The following PCTP variants were observed in gnomAD, a reference collection of about 807,000 sequenced individuals.
PCTP encodes the protein phosphatidylcholine transfer protein.
In PCTP, 27 loss-of-function variants were observed where a neutral mutation model predicts 31.0. The ratio of observed to expected loss-of-function variants is 0.87; its 90% CI spans 0.64 to 1.20. PCTP has a LOEUF of 1.20. PCTP is among the 50% of genes most tolerant of loss of function. The pLI is 0.00. For synonymous variants in PCTP, 108 were observed against 101.2 expected (o/e 1.07, Z -0.40); for missense variants, 287 against 268.2 (o/e 1.07, Z -0.49).
At chr17:55,821,843 C>A (rs1044749085) in intron 3 of PCTP, among the ~76,000 whole-genome samples, 12 of 152,120 alleles carry the variant, frequency 7.9e-5, no homozygotes, top group African/African-American at 2.9e-4. Context: ...GGGGTGTTCA[C>A]AATAGTGACC....
chr17:55,827,987 C>G (rs549034178), downstream of PCTP, among the ~76,000 whole-genome samples: 50 of 152,214 alleles, frequency 3.3e-4, no homozygotes, highest in South Asian at 6.2e-4. Context: ...ATGCTATTTG[C>G]GTTCAAGGGT....
chr17:55,852,530 A>AT, the PCTP span, among the ~76,000 whole-genome samples: 2 of 152,136 alleles, frequency 1.3e-5, no homozygotes, highest in Non-Finnish European at 2.9e-5. Context: ...TTTTAGAGAG[A>AT]TTTTACTGTA....
chr17:55,751,332 AGGGACAG>A, intron 1 of PCTP, 88 bp downstream of exon 1: 2 of 1,516,824 alleles, frequency 1.3e-6, no homozygotes, highest in Non-Finnish European at 1.8e-6. Context: ...CAGTCGCGGA[AGGGACAG>A]GGGCGCGTCT....
chr17:55,824,334 G>A (rs1905328306), downstream of PCTP, among the ~76,000 whole-genome samples: 1 of 151,870 alleles, frequency 6.6e-6, no homozygotes, highest in African/African-American at 2.4e-5. Flanking sequence ...TTTTGGTATA[G>A]CCATTTCTAA....
the PCTP span, among the ~76,000 whole-genome samples, chr17:55,850,982 GT>G: frequency 1.3e-5 from 2 of 152,076 alleles, no homozygotes. Flanking sequence ...GCTGATTCAG[GT>G]TTTTTAGATA....
At chr17:55,800,754 T>G (rs1415987342) in intron 3 of PCTP, among the ~76,000 whole-genome samples, 1 of 152,164 alleles carries the variant, frequency 6.6e-6, no homozygotes, top group Non-Finnish European at 1.5e-5. Context: ...TTCCTCATCT[T>G]TGTGGATTTA....
chr17:55,844,864 T>A (rs992566535), downstream of PCTP, among the ~76,000 whole-genome samples: 4 of 151,116 alleles, frequency 2.6e-5, no homozygotes, highest in Non-Finnish European at 5.9e-5. Flanking sequence ...CCGAGGCGGG[T>A]GATCACCTCA....
At chr17:55,771,528 G>A (rs146269541) in intron 3 of PCTP, among the ~76,000 whole-genome samples, 42 of 152,296 alleles carry the variant, frequency 2.8e-4, no homozygotes, top group African/African-American at 9.9e-4. Flanking sequence ...AGCTCCCTCA[G>A]TCTACAGAAG....
intron 1 of PCTP, among the ~76,000 whole-genome samples, chr17:55,761,857 A>G (rs189846507): frequency 7.9e-5 from 12 of 152,256 alleles, no homozygotes; most frequent in African/African-American, 2.9e-4. Flanking sequence ...GTAAATATTC[A>G]TAAGTCTTAC....
At chr17:55,753,303 C>T (rs1375305177) in intron 1 of PCTP, among the ~76,000 whole-genome samples, 1 of 152,222 alleles carries the variant, frequency 6.6e-6, no homozygotes. Context: ...TGCAGTCAAA[C>T]ATCTGAGAAG....
chr17:55,804,411 G>A (rs182657963), intron 3 of PCTP, among the ~76,000 whole-genome samples: 18 of 152,156 alleles, frequency 1.2e-4, no homozygotes, highest in South Asian at 2.1e-4. Flanking sequence ...AGACACATGC[G>A]CATGTATATT....
intron 5 of PCTP, among the ~76,000 whole-genome samples, chr17:55,839,919 CAAAA>C (rs57402824): frequency 0.011 from 131 of 12,468 alleles, no homozygotes; most frequent in African/African-American, 0.032. Flanking sequence ...GACTCAGTCT[CAAAA>C]AAAAAAAAAA....
chr17:55,775,284 T>C (rs962958631), intron 5 of PCTP: 54 of 470,786 alleles, frequency 1.1e-4, no homozygotes, highest in Admixed American at 1.1e-3. Context: ...GTTGTTGCCC[T>C]TTTTTTTTTT....
At position 55,774,831 on chromosome 17, in the gene PCTP, C is replaced by T. The variant is rs199577773; in HGVS notation, c.551C>T (p.Pro184Leu). The T allele has an allele frequency of 5.4e-5, 86 of 1,605,252 alleles. No homozygotes were observed. The highest frequency in any genetic ancestry group is 1.8e-4 in the South Asian group (16 of 90,776). ...YYFDNPGGQI[P>L]SWLINWAAKN... is the part of the protein sequence containing the mutation. ...TTCGATAACCCGGGTGGCCAAATTC[C>T]GTCCTGGCTCATTAACTGGGCCGCC... Residue 184 changes from proline (P) to leucine (L), a missense_variant, in exon 5 of 6, where the codon CCG becomes CTG. Pro to Leu is a moderately conservative substitution (Grantham distance 98). Coordinates refer to ENST00000268896, the MANE Select transcript of PCTP (RefSeq NM_021213.4).
intron 3 of PCTP, among the ~76,000 whole-genome samples, chr17:55,792,289 TA>T (rs773915470): frequency 1.4e-5 from 2 of 147,502 alleles, no homozygotes; most frequent in South Asian, 4.3e-4. Context: ...ACATGTACCC[TA>T]AAACTTAAAG....
intron 1 of PCTP, among the ~76,000 whole-genome samples, chr17:55,755,176 A>G (rs1484609688): frequency 6.6e-6 from 1 of 152,066 alleles, no homozygotes; most frequent in Non-Finnish European, 1.5e-5. Context: ...CTTAGTTATG[A>G]AGTTATGGGC....
Position 55,753,145 on chromosome 17 carries a change from G to A in PCTP, c.141+1901G>A, listed in dbSNP as rs78705104. 9.9e-3 allele frequency among the ~76,000 whole-genome samples: 1,502 copies of A among 152,308 alleles called. 25 individuals are homozygous for A. The highest frequency in any genetic ancestry group is 0.033 in the African/African-American group (1,376 of 41,558). On this transcript the variant is annotated intron_variant, in intron 1 of 5. Coordinates refer to ENST00000268896, the MANE Select transcript of PCTP (RefSeq NM_021213.4). ...TTTGTTGATTCAACTGCTCAGACGT[G>A]TCTAGCATCTGGCTTATTTCCTCCC... is the stretch of plus-strand genomic sequence containing the variant.
the PCTP span, among the ~76,000 whole-genome samples, chr17:55,852,153 T>C: frequency 6.6e-6 from 1 of 152,212 alleles, no homozygotes; most frequent in East Asian, 1.9e-4. Flanking sequence ...TATACTATTC[T>C]GTTGAAGTAA....
chr17:55,754,411 A>G (rs1909884018), intron 1 of PCTP, among the ~76,000 whole-genome samples: 1 of 152,216 alleles, frequency 6.6e-6, no homozygotes, highest in African/African-American at 2.4e-5. Context: ...ATACAGATGC[A>G]TAAGATGAGA....
Sources: allele counts gnomAD v4.1 joint callset (sites outside exome capture counted in the v4.1 genomes callset), GRCh38; gene constraint gnomAD v4.1.1; transcripts MANE v1.5; gene names NCBI Gene and HGNC (gene_info 2026-07-23, HGNC 2026-07-21).